ZNF674: variants seen among roughly 807,000 people sequenced by gnomAD.
ZNF674 encodes zinc finger protein 674.
ZNF674 carries 2 observed loss-of-function variants against 7.0 expected under a neutral mutation model. The ratio of observed to expected loss-of-function variants is 0.29; its 90% confidence interval spans 0.12 to 0.90. The LOEUF is 0.90. Among genes scored for constraint, ZNF674 ranks in the 40% least tolerant of loss-of-function variants. ZNF674 has a pLI of 0.57. For synonymous variants in ZNF674, 103 were observed against 145.2 expected (o/e 0.71, Z 2.09); for missense variants, 297 against 415.5 (o/e 0.71, Z 2.48).
intron 5 of ZNF674, among the ~76,000 whole-genome samples, chrX:46,518,840 C>T (rs921274884): frequency 1.9e-5 from 2 of 103,558 alleles, no homozygotes; most frequent in Admixed American, 1.1e-4. Flanking sequence ...GAGCTGAGAT[C>T]GCATCACGCC....
chrX:46,540,982 T>C (rs1488042788), intron 3 of ZNF674, among the ~76,000 whole-genome samples: 1 of 107,816 alleles, frequency 9.3e-6, no homozygotes, highest in Non-Finnish European at 1.9e-5. Flanking sequence ...GAGAATCGCT[T>C]GAACCTGGGA....
chrX:46,518,251 T>C (rs1439759576), intron 5 of ZNF674, among the ~76,000 whole-genome samples: 1 of 111,355 alleles, frequency 9.0e-6, no homozygotes, highest in Non-Finnish European at 1.9e-5. Flanking sequence ...TATATGATAG[T>C]TGAAAGCAAA....
At chrX:46,542,972 T>C (rs1314854044) in intron 2 of ZNF674, among the ~76,000 whole-genome samples, 1 of 110,387 alleles carries the variant, frequency 9.1e-6, no homozygotes, top group Non-Finnish European at 1.9e-5. Context: ...TTTTTTGAGA[T>C]GCAGTTTTGC....
At chrX:46,533,829 A>AAAAAATATAT (rs1415090691) in intron 3 of ZNF674, among the ~76,000 whole-genome samples, 5 of 65,564 alleles carry the variant, frequency 7.6e-5, no homozygotes, top group African/African-American at 4.9e-4. Context: ...AAAAAAAAAA[A>AAAAAATATAT]ATATATATAT....
intron 3 of ZNF674, chrX:46,529,221 C>T (rs2011100): frequency 0.3 from 99,857 of 334,086 alleles, 10,888 homozygotes; most frequent in Middle Eastern, 0.35. Flanking sequence ...TTTGGCATAG[C>T]ATATTACATA....
intron 5 of ZNF674, among the ~76,000 whole-genome samples, chrX:46,518,265 AT>A (rs1410534211): frequency 4.5e-5 from 5 of 111,982 alleles, no homozygotes; most frequent in African/African-American, 1.6e-4. Flanking sequence ...AAGCAAAAAA[AT>A]ATAACACTGT....
intron 5 of ZNF674, among the ~76,000 whole-genome samples, chrX:46,503,266 T>C (rs1248907129): frequency 3.6e-5 from 4 of 112,401 alleles, no homozygotes; most frequent in African/African-American, 1.3e-4. Flanking sequence ...TAGAACTCTA[T>C]ACCCAGATAA....
Position 46,500,265 on chromosome X carries a change from C to A in ZNF674, c.1309G>T (p.Glu437Ter), listed in dbSNP as rs183994849. The A allele has an allele frequency of 6.3e-5, 76 of 1,209,720 alleles. No individual in the cohort carries two copies. The African/African-American group carries it at 1.3e-3, about 20-fold the overall frequency. ...AAGGCTTTCCCACATCTTCTGCATTCATAAGGTTTCTCTCCTGTATGAGTT... is the reference window on the plus strand; with the variant it reads ...AAGGCTTTCCCACATCTTCTGCATTAATAAGGTTTCTCTCCTGTATGAGTT... ...HRTHTGEKPY[E>*]CRRCGKAFGE... Residue 437 changes from glutamate (E) to a stop codon, truncating the protein, a stop_gained, in exon 6 of 6, where the codon GAA becomes TAA. Transcript: ENST00000683375. LOFTEE classifies it low-confidence loss of function (END_TRUNC).
chrX:46,501,311 A>G lies in ZNF674; in HGVS notation c.263T>C (p.Ile88Thr). ...CAEVWEVDEQIDHYKESQDKF... is the reference protein window; with the variant it reads ...CAEVWEVDEQTDHYKESQDKF... ...GTCTTGGCTTTCCTTGTAGTGATCT[A>G]TCTGCTCGTCAACTTCCCAGACTTC... Residue 88 changes from isoleucine (I) to threonine (T), a missense_variant, in exon 6 of 6, where the codon ATA (isoleucine) becomes ACA (threonine). Ile to Thr is a moderately conservative substitution (Grantham distance 89). Transcript: ENST00000683375. 1 of 1,207,012 alleles carries G rather than the reference A, an allele frequency of 8.3e-7. No individual in the cohort carries two copies. The highest frequency in any genetic ancestry group is 2.2e-5 in the Admixed American group (1 of 45,107).
chrX:46,503,723 C>T (rs993959099), intron 5 of ZNF674, among the ~76,000 whole-genome samples: 15 of 111,490 alleles, frequency 1.3e-4, no homozygotes, highest in African/African-American at 4.9e-4. Flanking sequence ...GGATAAAAGA[C>T]GAGAATATTA....
At chrX:46,505,428 G>A (rs994569508) in intron 5 of ZNF674, among the ~76,000 whole-genome samples, 12 of 111,434 alleles carry the variant, frequency 1.1e-4, no homozygotes, top group South Asian at 3.7e-4. Context: ...ATCATTTCAC[G>A]ACTTTAGAAA....
intron 3 of ZNF674, among the ~76,000 whole-genome samples, chrX:46,536,988 A>G (rs1021507390): frequency 8.9e-6 from 1 of 112,048 alleles, no homozygotes; most frequent in Non-Finnish European, 1.9e-5. Flanking sequence ...TGACTCACAC[A>G]GGACGGGTGT....
intron 2 of ZNF674, among the ~76,000 whole-genome samples, chrX:46,542,939 A>C (rs886633244): frequency 9.5e-6 from 1 of 105,589 alleles, no homozygotes; most frequent in East Asian, 3.3e-4. Flanking sequence ...AGTCTCAAAC[A>C]GCATTTATTC....
In ZNF674 at chrX:46,497,951, TTAAA is replaced by T. The variant is rs1286050951; in HGVS notation, c.*1888_*1891del. 1.8e-5 allele frequency: 2 copies of T among 111,664 alleles called. No homozygotes were observed. Among genetic ancestry groups the T allele is most frequent in the African/African-American group, 3.3e-5 (1 of 30,763 alleles). 9.2% of individuals were successfully genotyped at this position (111,664 alleles called of 1,213,427 possible). On this transcript the variant is annotated 3_prime_UTR_variant, in exon 6 of 6. Transcript: ENST00000683375. Reference sequence around the variant, plus strand: ...GAAATAGGTGAATACAAATTTATACTTAAATAAATACAAATTTATACTTATATGT... The same window carrying T: ...GAAATAGGTGAATACAAATTTATACTTAAATACAAATTTATACTTATATGT...
At chrX:46,512,397 T>G (rs1941675031) in intron 5 of ZNF674, among the ~76,000 whole-genome samples, 1 of 110,156 alleles carries the variant, frequency 9.1e-6, no homozygotes, top group Admixed American at 9.7e-5. Flanking sequence ...AAACAGCAAA[T>G]ATTTAAATTT....
intron 2 of ZNF674, among the ~76,000 whole-genome samples, chrX:46,542,339 C>T (rs1187306592): frequency 8.9e-6 from 1 of 112,200 alleles, no homozygotes; most frequent in Non-Finnish European, 1.9e-5. Flanking sequence ...CCAAAGCCAT[C>T]TACATGTCAG....
At chrX:46,527,397 A>T (rs1942028043) in intron 5 of ZNF674, among the ~76,000 whole-genome samples, 1 of 111,940 alleles carries the variant, frequency 8.9e-6, no homozygotes, top group Non-Finnish European at 1.9e-5. Flanking sequence ...ATCATTAGAA[A>T]AATGCAAAAT....
At chrX:46,540,175 C>T (rs1942268082) in intron 3 of ZNF674, among the ~76,000 whole-genome samples, 3 of 109,355 alleles carry the variant, frequency 2.7e-5, no homozygotes, top group Non-Finnish European at 5.7e-5. Flanking sequence ...ACCCAGGAGG[C>T]GGAGCTCGCA....
chrX:46,520,037 A>T (rs989506984), intron 5 of ZNF674, among the ~76,000 whole-genome samples: 13 of 112,438 alleles, frequency 1.2e-4, no homozygotes, highest in African/African-American at 4.2e-4. Flanking sequence ...ACAAAATTAT[A>T]GAAACAGAGA....
Sources: gnomAD v4.1 joint callset for allele counts (sites outside exome capture counted in the v4.1 genomes callset) on GRCh38, gnomAD v4.1.1 for gene constraint, MANE v1.5 for transcripts, NCBI Gene and HGNC (gene_info 2026-07-23, HGNC 2026-07-21) for gene names.